Variants in CDH4 observed in about 807,000 individuals in gnomAD.
CDH4 encodes the protein cadherin-4.
Under a neutral mutation model 86.0 loss-of-function variants are expected in CDH4, and 33 were observed. The observed-to-expected ratio is 0.38, with a 90% CI of 0.29 to 0.51. The LOEUF (loss-of-function observed/expected upper bound fraction) is 0.51. Among genes scored for constraint, CDH4 ranks in the 20% least tolerant of loss-of-function variants. The pLI, the probability that CDH4 is intolerant of heterozygous loss-of-function variation, is 0.86. For missense variants in CDH4, 1,114 were observed against 1,307.4 expected, an observed-to-expected ratio of 0.85 and a Z score of 2.28; for synonymous variants, 555 against 549.4, an observed-to-expected ratio of 1.01 and a Z score of -0.14.
intron 2 of CDH4, among the ~76,000 whole-genome samples, chr20:61,541,260 C>T (rs534149968): frequency 4.6e-5 from 7 of 152,292 alleles, no homozygotes; most frequent in Admixed American, 3.9e-4. Flanking sequence ...CGTGCATTAA[C>T]GTGCGGAGAA....
At chr20:61,823,702 T>C (rs1458041849) in intron 4 of CDH4, among the ~76,000 whole-genome samples, 9 of 152,230 alleles carry the variant, frequency 5.9e-5, no homozygotes, top group Non-Finnish European at 2.9e-5. Flanking sequence ...TGAATTTGTA[T>C]ATTTTGAACC....
At chr20:61,658,291 G>A (rs761063418) in intron 2 of CDH4, among the ~76,000 whole-genome samples, 9 of 151,244 alleles carry the variant, frequency 6.0e-5, no homozygotes, top group African/African-American at 9.7e-5. Context: ...TCCGAGCTCC[G>A]GATCTCTGTA....
chr20:61,686,957 A>G (rs1374019656), intron 2 of CDH4, among the ~76,000 whole-genome samples: 14 of 149,704 alleles, frequency 9.4e-5, no homozygotes, highest in Admixed American at 8.7e-4. Context: ...CGACCCAGCA[A>G]CTCTGCTCCC....
At chr20:61,838,780 C>A (rs1981992777) in intron 4 of CDH4, among the ~76,000 whole-genome samples, 1 of 140,908 alleles carries the variant, frequency 7.1e-6, no homozygotes, top group Non-Finnish European at 1.5e-5. Context: ...ACCAAGATCA[C>A]ACCACTGCAC....
intron 2 of CDH4, among the ~76,000 whole-genome samples, chr20:61,391,519 A>G (rs1421123980): frequency 6.7e-6 from 1 of 148,516 alleles, no homozygotes; most frequent in Non-Finnish European, 1.5e-5. Flanking sequence ...CGTGTGGCGT[A>G]AGGGGCTCAG....
intron 2 of CDH4, among the ~76,000 whole-genome samples, chr20:61,651,281 G>A (rs1400746125): frequency 6.6e-6 from 1 of 152,224 alleles, no homozygotes; most frequent in Non-Finnish European, 1.5e-5. Context: ...CTGATTGCAG[G>A]GTCTCAACGC....
intron 2 of CDH4, among the ~76,000 whole-genome samples, chr20:61,505,980 A>G (rs1448889882): frequency 6.6e-6 from 1 of 152,260 alleles, no homozygotes; most frequent in Non-Finnish European, 1.5e-5. Flanking sequence ...TGGTGATGGT[A>G]CGAAAACATG....
intron 2 of CDH4, among the ~76,000 whole-genome samples, chr20:61,727,832 C>A (rs1025434321): frequency 6.6e-6 from 1 of 152,186 alleles, no homozygotes; most frequent in Non-Finnish European, 1.5e-5. Flanking sequence ...ATGCCTCCCC[C>A]CGACCACCCC....
chr20:61,367,681 C>A (rs1057039915), intron 2 of CDH4, among the ~76,000 whole-genome samples: 2 of 152,030 alleles, frequency 1.3e-5, no homozygotes, highest in Non-Finnish European at 1.5e-5. Flanking sequence ...CACTTTCTTG[C>A]GGCAAAATGT....
intron 2 of CDH4, among the ~76,000 whole-genome samples, chr20:61,562,763 T>G (rs1334223661): frequency 6.6e-6 from 1 of 152,264 alleles, no homozygotes; most frequent in Non-Finnish European, 1.5e-5. Flanking sequence ...CTTTTAAGCT[T>G]TAATTTAAAA....
At chr20:61,729,735 A>G (rs765888481) in intron 2 of CDH4, among the ~76,000 whole-genome samples, 6 of 152,330 alleles carry the variant, frequency 3.9e-5, no homozygotes, top group African/African-American at 1.2e-4. Context: ...CTTTTCTTAG[A>G]CAGGAAGAAT....
At chr20:61,418,628 G>A (rs942357372) in intron 2 of CDH4, among the ~76,000 whole-genome samples, 14 of 152,172 alleles carry the variant, frequency 9.2e-5, no homozygotes, top group South Asian at 6.2e-4. Flanking sequence ...GTGAAATCGC[G>A]TGTGGAGGAG....
In CDH4 at chr20:61,910,694, G is replaced by A. The variant is rs143327759; in HGVS notation, c.1374+87G>A. 6,857 of 1,256,204 alleles carry A rather than the reference G, an allele frequency of 5.5e-3. 31 individuals carry two copies. The highest frequency in any genetic ancestry group is 6.9e-3 in the Non-Finnish European group (6,049 of 882,010). The allele number at this position is 1,256,204 out of a possible 1,614,324, so 77.8% of individuals were successfully genotyped here. On this transcript the variant is annotated intron_variant, in intron 9 of 15. Coordinates refer to ENST00000614565, the MANE Select transcript of CDH4 (RefSeq NM_001794.5). Reference sequence around the variant, plus strand: ...GACCAGTCAAACAGGAGTGATACTCGGTGTAAAGTTACTGCCCCCCTAATA... The same window carrying A: ...GACCAGTCAAACAGGAGTGATACTCAGTGTAAAGTTACTGCCCCCCTAATA...
intron 5 of CDH4, among the ~76,000 whole-genome samples, chr20:61,850,080 C>T (rs1982644405): frequency 6.6e-6 from 1 of 152,220 alleles, no homozygotes; most frequent in African/African-American, 2.4e-5. Context: ...CATTCAAACG[C>T]ACAACACGCA....
At chr20:61,429,578 G>A (rs1217533201) in intron 2 of CDH4, among the ~76,000 whole-genome samples, 2 of 151,010 alleles carry the variant, frequency 1.3e-5, no homozygotes, top group African/African-American at 4.9e-5. Flanking sequence ...TAGGTGGACA[G>A]ATGGGTGGGT....
chr20:61,700,576 G>A (rs145231194), intron 2 of CDH4, among the ~76,000 whole-genome samples: 28 of 152,318 alleles, frequency 1.8e-4, no homozygotes, highest in Non-Finnish European at 3.4e-4. Context: ...ATCAGCCTCC[G>A]TGCATGCCTG....
chr20:61,605,502 T>C (rs915831978), intron 2 of CDH4, among the ~76,000 whole-genome samples: 2 of 144,540 alleles, frequency 1.4e-5, no homozygotes, highest in Non-Finnish European at 3.0e-5. Flanking sequence ...TCCCCCCATG[T>C]CTCTCCCTTT....
intron 4 of CDH4, among the ~76,000 whole-genome samples, chr20:61,840,910 A>G (rs921668000): frequency 3.9e-5 from 6 of 152,272 alleles, no homozygotes; most frequent in African/African-American, 1.4e-4. Context: ...GAGAATAAGC[A>G]AATGCGGCCT....
intron 6 of CDH4, among the ~76,000 whole-genome samples, chr20:61,871,366 C>T (rs895757152): frequency 6.6e-6 from 1 of 152,166 alleles, no homozygotes; most frequent in African/African-American, 2.4e-5. Flanking sequence ...CTTCTCATTG[C>T]CACATTGAAA....
Sources: allele counts gnomAD v4.1 joint callset (sites outside exome capture counted in the v4.1 genomes callset), GRCh38; gene constraint gnomAD v4.1.1; transcripts MANE v1.5; gene names NCBI Gene and HGNC (gene_info 2026-07-23, HGNC 2026-07-21).